DAB1: variants seen among roughly 807,000 people sequenced by gnomAD.
The protein encoded by DAB1 is disabled homolog 1.
DAB1 carries 15 observed loss-of-function variants against 64.6 expected under a neutral mutation model. That is an observed-to-expected ratio of 0.23 (90% CI 0.16 to 0.36). DAB1 has a LOEUF of 0.36. Ranked by LOEUF, DAB1 falls within the 10% of genes least tolerant of loss-of-function variation. DAB1 has a pLI of 1.00. For synonymous variants in DAB1, 235 were observed against 251.9 expected (o/e 0.93, Z 0.64); for missense variants, 596 against 706.7 (o/e 0.84, Z 1.78).
chr1:57,019,489 A>G (rs573039630), intron 11 of DAB1, among the ~76,000 whole-genome samples: 1 of 152,328 alleles, frequency 6.6e-6, no homozygotes, highest in African/African-American at 2.4e-5. Flanking sequence ...AAGGCAGCAC[A>G]GGGTAATTGG....
intron 4 of DAB1, among the ~76,000 whole-genome samples, chr1:58,276,451 G>C (rs375080046): frequency 6.6e-6 from 1 of 152,076 alleles, no homozygotes; most frequent in Non-Finnish European, 1.5e-5. Context: ...GGAAATCTAC[G>C]CAAAGAAAAC....
intron 3 of DAB1, among the ~76,000 whole-genome samples, chr1:58,390,324 A>C (rs942098673): frequency 2.6e-5 from 4 of 151,722 alleles, no homozygotes; most frequent in Admixed American, 6.6e-5. Context: ...TATTACCAGG[A>C]TCATGTCCAT....
At chr1:58,029,254 T>C (rs1446141969) in intron 5 of DAB1, among the ~76,000 whole-genome samples, 1 of 152,172 alleles carries the variant, frequency 6.6e-6, no homozygotes, top group Non-Finnish European at 1.5e-5. Flanking sequence ...CAATGCAGCC[T>C]CAGTGGGATT....
In DAB1 at chr1:58,147,306, CAA is replaced by C. The variant is rs1192982112; in HGVS notation, n.387+3203_387+3204del. 3.4e-4 allele frequency among the ~76,000 whole-genome samples: 14 copies of C among 41,700 alleles called. No individual in the cohort carries two copies. The South Asian group carries it at 8.2e-3, about 24-fold the overall frequency. The allele number at this position is 41,700 out of a possible 152,430, so 27.4% of individuals were successfully genotyped here. A position where few individuals can be genotyped will look rare whatever the true frequency, so the allele number is the denominator to read the frequency against. ...TGGGCAACAGAGCAAGACTCCGTCTCAAAAAAAAAAAAAAAAAAAAAGTACAG... is the reference window on the plus strand; with the variant it reads ...TGGGCAACAGAGCAAGACTCCGTCTCAAAAAAAAAAAAAAAAAAAGTACAG... On this transcript the variant is annotated intron_variant and non_coding_transcript_variant, in intron 5 of 20. Transcript: ENST00000485760.
intron 5 of DAB1, among the ~76,000 whole-genome samples, chr1:57,923,774 G>A (rs911197046): frequency 3.3e-5 from 5 of 152,164 alleles, no homozygotes; most frequent in African/African-American, 7.2e-5. Context: ...TAAACACTTC[G>A]GTTTCTCCTT....
intron 3 of DAB1, among the ~76,000 whole-genome samples, chr1:58,446,620 G>A (rs984319382): frequency 6.6e-6 from 1 of 152,182 alleles, no homozygotes; most frequent in Non-Finnish European, 1.5e-5. Context: ...GGGCATTTGA[G>A]AGACTTGTGC....
Position 58,392,655 on chromosome 1 carries a change from C to A in DAB1, n.258-49252G>T, listed in dbSNP as rs113224304. Among the ~76,000 whole-genome samples, 546 of 152,330 alleles carry A rather than the reference C, an allele frequency of 3.6e-3. 5 individuals are homozygous for A. Among genetic ancestry groups the A allele is most frequent in the African/African-American group, 0.012 (518 of 41,582 alleles). On this transcript the variant is annotated intron_variant and non_coding_transcript_variant, in intron 3 of 20. Coordinates refer to the DAB1 transcript ENST00000485760. ...AGCTACCATCTCCTTTCTCCTCTCA[C>A]CATCTCAAACGAAATGTGGGGGAAA...
At chr1:58,509,946 AT>A (rs1646048515) in intron 2 of DAB1, among the ~76,000 whole-genome samples, 1 of 152,154 alleles carries the variant, frequency 6.6e-6, no homozygotes, top group African/African-American at 2.4e-5. Flanking sequence ...TGAAAAAGAA[AT>A]AGGAAATATG....
chr1:57,575,158 G>C (rs1464263616), intron 7 of DAB1, among the ~76,000 whole-genome samples: 1 of 152,184 alleles, frequency 6.6e-6, no homozygotes. Context: ...CTTGCAAATA[G>C]TCCTGTGATC....
chr1:57,191,872 CT>C (rs1055965126), intron 2 of DAB1, among the ~76,000 whole-genome samples: 5 of 152,224 alleles, frequency 3.3e-5, no homozygotes, highest in African/African-American at 9.6e-5. Flanking sequence ...ATACCTACCC[CT>C]ATTCATCTCC....
At chr1:58,461,664 G>A (rs1440826422) in intron 3 of DAB1, among the ~76,000 whole-genome samples, 1 of 152,202 alleles carries the variant, frequency 6.6e-6, no homozygotes, top group Non-Finnish European at 1.5e-5. Context: ...GAGCCAGCAA[G>A]TGTGGAGATG....
chr1:57,183,320 G>A (rs746333762), intron 2 of DAB1, among the ~76,000 whole-genome samples: 1 of 152,206 alleles, frequency 6.6e-6, no homozygotes, highest in Non-Finnish European at 1.5e-5. Flanking sequence ...GGTAAAGACA[G>A]TTACACTGAC....
At chr1:58,370,833 G>C (rs936716545) in intron 3 of DAB1, among the ~76,000 whole-genome samples, 2 of 152,156 alleles carry the variant, frequency 1.3e-5, no homozygotes, top group African/African-American at 2.4e-5. Flanking sequence ...GACATGCCTT[G>C]CTTTGCCTTA....
At chr1:57,086,743 G>A (rs980082020) in intron 4 of DAB1, among the ~76,000 whole-genome samples, 5 of 151,860 alleles carry the variant, frequency 3.3e-5, no homozygotes, top group African/African-American at 9.7e-5. Flanking sequence ...CAGTGGTGAT[G>A]GCAATGTGCC....
chr1:58,489,868 T>G (rs1477710696), intron 3 of DAB1, among the ~76,000 whole-genome samples: 1 of 152,200 alleles, frequency 6.6e-6, no homozygotes, highest in South Asian at 2.1e-4. Context: ...CCAACAGACC[T>G]GCAGCTGAGG....
At chr1:58,373,528 T>G (rs1014532837) in intron 3 of DAB1, among the ~76,000 whole-genome samples, 3 of 151,566 alleles carry the variant, frequency 2.0e-5, no homozygotes, top group East Asian at 3.9e-4. Flanking sequence ...CTGCATAGTA[T>G]TCCATGGTGT....
chr1:57,889,214 T>C (rs1644270482), intron 5 of DAB1, among the ~76,000 whole-genome samples: 1 of 152,248 alleles, frequency 6.6e-6, no homozygotes, highest in Admixed American at 6.5e-5. Flanking sequence ...TACTGCAGTG[T>C]CCTTGAAACC....
intron 2 of DAB1, among the ~76,000 whole-genome samples, chr1:57,193,046 T>C (rs1281810965): frequency 6.6e-6 from 1 of 152,194 alleles, no homozygotes; most frequent in Non-Finnish European, 1.5e-5. Context: ...TTACCTCTTG[T>C]GTTTATCTTT....
At chr1:58,082,652 G>A (rs527810463) in intron 5 of DAB1, among the ~76,000 whole-genome samples, 18 of 152,226 alleles carry the variant, frequency 1.2e-4, no homozygotes, top group African/African-American at 4.3e-4. Context: ...CTTGGAGGAC[G>A]ATAGGGTGGA....
Sources: gnomAD v4.1 joint callset for allele counts (sites outside exome capture counted in the v4.1 genomes callset) on GRCh38, gnomAD v4.1.1 for gene constraint, MANE v1.5 for transcripts, NCBI Gene and HGNC (gene_info 2026-07-23, HGNC 2026-07-21) for gene names.